RBFOX1: variants seen among roughly 807,000 people sequenced by gnomAD.
RBFOX1 encodes RNA binding protein fox-1 homolog 1.
In RBFOX1, 8 loss-of-function variants were observed where a neutral mutation model predicts 57.7. The observed-to-expected ratio is 0.14, with a 90% confidence interval of 0.08 to 0.25. The LOEUF is 0.25. Ranked by LOEUF, RBFOX1 falls within the 10% of genes least tolerant of loss-of-function variation. RBFOX1 has a pLI of 1.00. For missense variants in RBFOX1, 611 were observed against 548.5 expected, an observed-to-expected ratio of 1.11 and a Z score of -1.14; for synonymous variants, 326 against 222.4, an observed-to-expected ratio of 1.47 and a Z score of -4.15.
intron 3 of RBFOX1, among the ~76,000 whole-genome samples, chr16:6,935,079 AC>A (rs1397205779): frequency 6.6e-6 from 1 of 150,580 alleles, no homozygotes; most frequent in Non-Finnish European, 1.5e-5. Flanking sequence ...TGACAGTGAG[AC>A]CCCCATCTCG....
Position 7,330,771 on chromosome 16 carries a change from A to G in RBFOX1, c.28-187376A>G, listed in dbSNP as rs530858740. Among the ~76,000 whole-genome samples, 3 of 152,166 alleles carry G rather than the reference A, an allele frequency of 2.0e-5. No homozygotes were observed. The South Asian group carries it at 6.2e-4, about 32-fold the overall frequency. On this transcript the variant is annotated intron_variant, in intron 4 of 15. Coordinates refer to ENST00000550418, the MANE Select transcript of RBFOX1 (RefSeq NM_018723.4). Reference sequence around the variant, plus strand: ...TGGTCTTTCTATTTTACAACACTAAAGAGACAATTTGATCTGACACAGGCC... The same window carrying G: ...TGGTCTTTCTATTTTACAACACTAAGGAGACAATTTGATCTGACACAGGCC...
intron 4 of RBFOX1, among the ~76,000 whole-genome samples, chr16:5,911,902 C>T (rs1419507073): frequency 6.6e-6 from 1 of 152,136 alleles, no homozygotes; most frequent in African/African-American, 2.4e-5. Flanking sequence ...AATACCATCA[C>T]CTTGGGGATT....
Position 5,815,143 on chromosome 16 carries a change from CTAATT to C in RBFOX1, c.319-52148_319-52144del, listed in dbSNP as rs1279573930. Reference sequence around the variant, plus strand: ...TGCAGGTGTGCATCACCAGGCCTGGCTAATTTAATTTAATTTTTTTTTTTTTTTTT... The same window carrying C: ...TGCAGGTGTGCATCACCAGGCCTGGCTAATTTAATTTTTTTTTTTTTTTTT... On this transcript the variant is annotated intron_variant, in intron 3 of 19. Transcript: ENST00000641259. 3.4e-3 allele frequency among the ~76,000 whole-genome samples: 493 copies of C among 143,748 alleles called. 6 individuals are homozygous for C. The highest frequency in any genetic ancestry group is 0.011 in the African/African-American group (443 of 38,704). The allele number at this position is 143,748 out of a possible 152,430, so 94.3% of individuals were successfully genotyped here.
At chr16:6,812,247 T>A (rs1487934879) in intron 3 of RBFOX1, among the ~76,000 whole-genome samples, 1 of 152,218 alleles carries the variant, frequency 6.6e-6, no homozygotes, top group Non-Finnish European at 1.5e-5. Flanking sequence ...CCTGTTTTGT[T>A]AAGAAATTTG....
chr16:7,072,201 G>C (rs369138278), intron 4 of RBFOX1, among the ~76,000 whole-genome samples: 2 of 152,138 alleles, frequency 1.3e-5, no homozygotes, highest in East Asian at 3.9e-4. Flanking sequence ...AGAAAGTCCT[G>C]GTTTGGAGAA....
chr16:6,654,598 C>G lies in RBFOX1; in HGVS notation c.-63-5C>G. On this transcript the variant is annotated splice_polypyrimidine_tract_variant and splice_region_variant and intron_variant, in intron 2 of 15. Coordinates refer to ENST00000550418, the MANE Select transcript of RBFOX1 (RefSeq NM_018723.4). ...TCACTTTCCTTTCTTTTCTTCTCTT[C>G]TCAGGATATCAAAGCAGACTGCAAT... 2.0e-6 allele frequency: 3 copies of G among 1,505,738 alleles called. No homozygotes were observed. The highest frequency in any genetic ancestry group is 2.6e-6 in the Non-Finnish European group (3 of 1,135,060). The allele number at this position is 1,505,738 out of a possible 1,614,324, so 93.3% of individuals were successfully genotyped here.
intron 3 of RBFOX1, among the ~76,000 whole-genome samples, chr16:5,852,134 T>G (rs955427389): frequency 1.3e-5 from 2 of 152,106 alleles, no homozygotes; most frequent in African/African-American, 4.8e-5. Flanking sequence ...GTTAACCGGG[T>G]TTTTCCCCCT....
At chr16:7,609,134 G>T (rs543500957) in intron 10 of RBFOX1, among the ~76,000 whole-genome samples, 1 of 152,200 alleles carries the variant, frequency 6.6e-6, no homozygotes, top group Non-Finnish European at 1.5e-5. Flanking sequence ...CCCATGAATG[G>T]AGTAGTTAGA....
intron 4 of RBFOX1, among the ~76,000 whole-genome samples, chr16:7,092,529 C>A (rs1316842740): frequency 6.6e-6 from 1 of 152,148 alleles, no homozygotes; most frequent in African/African-American, 2.4e-5. Context: ...GATTCCAGAA[C>A]TTATTTAACC....
intron 3 of RBFOX1, among the ~76,000 whole-genome samples, chr16:6,927,822 A>C (rs933702946): frequency 6.6e-6 from 1 of 152,226 alleles, no homozygotes; most frequent in Non-Finnish European, 1.5e-5. Context: ...GAAGCCTAAC[A>C]CTGAAGGAAA....
intron 3 of RBFOX1, among the ~76,000 whole-genome samples, chr16:5,665,474 C>G (rs1001823327): frequency 6.6e-6 from 1 of 151,924 alleles, no homozygotes; most frequent in Non-Finnish European, 1.5e-5. Flanking sequence ...CCCCACATAC[C>G]ACCTTGTTTT....
intron 3 of RBFOX1, among the ~76,000 whole-genome samples, chr16:6,893,616 A>G (rs2066048299): frequency 6.6e-6 from 1 of 152,176 alleles, no homozygotes; most frequent in Non-Finnish European, 1.5e-5. Flanking sequence ...ATATAAGGAG[A>G]AAAGGAGAAC....
intron 3 of RBFOX1, among the ~76,000 whole-genome samples, chr16:6,835,104 T>C (rs1892043901): frequency 6.6e-6 from 1 of 152,008 alleles, no homozygotes; most frequent in Admixed American, 6.6e-5. Context: ...AGGATGTTAG[T>C]GTTAGCCAGG....
At chr16:6,963,537 G>C (rs1377708887) in intron 3 of RBFOX1, among the ~76,000 whole-genome samples, 2 of 152,080 alleles carry the variant, frequency 1.3e-5, no homozygotes, top group Non-Finnish European at 2.9e-5. Flanking sequence ...TGACTCACTT[G>C]CAATGTAAAA....
At position 7,408,338 on chromosome 16, in the gene RBFOX1, G is replaced by A. The variant is rs571053086; in HGVS notation, c.28-109809G>A. On this transcript the variant is annotated intron_variant, in intron 4 of 15. Coordinates refer to ENST00000550418, the MANE Select transcript of RBFOX1 (RefSeq NM_018723.4). ...ACAGCAGAAGAACTTTTAATACGGC[G>A]ACTGTATTCATTTTGAAATTTTAAA... Among the ~76,000 whole-genome samples, 7 of 152,160 alleles carry A rather than the reference G, an allele frequency of 4.6e-5. No homozygotes were observed. In the South Asian group the frequency reaches 6.2e-4, roughly 14 times the overall value.
At chr16:7,133,236 A>T (rs904073821) in intron 4 of RBFOX1, among the ~76,000 whole-genome samples, 2 of 152,210 alleles carry the variant, frequency 1.3e-5, no homozygotes, top group African/African-American at 4.8e-5. Flanking sequence ...TATTTTCAAT[A>T]TATGACAGAA....
chr16:5,901,247 G>A (rs188587010), intron 4 of RBFOX1, among the ~76,000 whole-genome samples: 95 of 152,194 alleles, frequency 6.2e-4, no homozygotes, highest in South Asian at 4.2e-4. Context: ...CCGTTCACGC[G>A]GTCTTTGTTT....
intron 4 of RBFOX1, among the ~76,000 whole-genome samples, chr16:7,385,006 C>A (rs910873435): frequency 1.3e-5 from 2 of 152,076 alleles, no homozygotes; most frequent in Non-Finnish European, 2.9e-5. Context: ...CAAATCATGC[C>A]AAGGCAGAGA....
chr16:6,275,484 A>G (rs1381467150), intron 1 of RBFOX1, among the ~76,000 whole-genome samples: 1 of 152,180 alleles, frequency 6.6e-6, no homozygotes, highest in African/African-American at 2.4e-5. Context: ...GTGGAATAGT[A>G]ATTATTAACA....
Sources: allele counts gnomAD v4.1 joint callset (sites outside exome capture counted in the v4.1 genomes callset), GRCh38; gene constraint gnomAD v4.1.1; transcripts MANE v1.5; gene names NCBI Gene and HGNC (gene_info 2026-07-23, HGNC 2026-07-21).